ZBTB20: variants seen among roughly 807,000 people sequenced by gnomAD.
ZBTB20 encodes zinc finger and BTB domain containing 20, also known as zinc finger and BTB domain-containing protein 20.
ZBTB20 carries 9 observed loss-of-function variants against 56.9 expected under a neutral mutation model. The observed-to-expected ratio is 0.16, with a 90% CI of 0.10 to 0.28. ZBTB20 has a LOEUF of 0.28. ZBTB20 is among the 10% of genes least tolerant of loss of function. ZBTB20 has a pLI of 1.00. For missense variants in ZBTB20, 655 were observed against 1,003.0 expected (o/e 0.65, Z 4.69); for synonymous variants, 417 against 420.7 (o/e 0.99, Z 0.11).
intron 5 of ZBTB20, among the ~76,000 whole-genome samples, chr3:114,795,545 A>G (rs2071286401): frequency 6.6e-6 from 1 of 151,988 alleles, no homozygotes; most frequent in Non-Finnish European, 1.5e-5. Context: ...CTCCCCTCCC[A>G]TACTCCGTTC....
intron 6 of ZBTB20, among the ~76,000 whole-genome samples, chr3:114,504,452 C>T (rs2044370210): frequency 6.6e-6 from 1 of 152,150 alleles, no homozygotes; most frequent in African/African-American, 2.4e-5. Flanking sequence ...CCTGGAGGGT[C>T]AGTATTCCTT....
intron 1 of ZBTB20, among the ~76,000 whole-genome samples, chr3:115,107,264 A>T (rs1057434884): frequency 3.9e-5 from 6 of 151,902 alleles, no homozygotes; most frequent in Admixed American, 1.3e-4. Flanking sequence ...GCATGTCTAT[A>T]AAAAAATCAG....
At chr3:114,577,823 C>T (rs973380590) in intron 6 of ZBTB20, among the ~76,000 whole-genome samples, 4 of 152,108 alleles carry the variant, frequency 2.6e-5, no homozygotes, top group African/African-American at 7.2e-5. Flanking sequence ...TGAAAGCTAC[C>T]ATTGTAAGAT....
intron 1 of ZBTB20, among the ~76,000 whole-genome samples, chr3:115,101,249 C>T (rs2083573122): frequency 6.6e-6 from 1 of 152,118 alleles, no homozygotes; most frequent in Non-Finnish European, 1.5e-5. Context: ...TACCCTTAAT[C>T]TTTTATTAGG....
chr3:114,656,360 T>C (rs1003879712), intron 6 of ZBTB20, among the ~76,000 whole-genome samples: 2 of 152,242 alleles, frequency 1.3e-5, no homozygotes, highest in African/African-American at 4.8e-5. Flanking sequence ...TTTTCTCATC[T>C]GCCACCCACA....
intron 2 of ZBTB20, among the ~76,000 whole-genome samples, chr3:115,025,084 T>C (rs1354475189): frequency 6.6e-6 from 1 of 151,272 alleles, no homozygotes; most frequent in African/African-American, 2.4e-5. Flanking sequence ...TTCCTGATCC[T>C]TTCCCTCCTC....
At chr3:114,486,246 G>T (rs2042141110) in intron 7 of ZBTB20, among the ~76,000 whole-genome samples, 2 of 104,260 alleles carry the variant, frequency 1.9e-5, no homozygotes, top group African/African-American at 5.3e-5. Context: ...GTGTATCAGA[G>T]ATTTGGGATG....
chr3:115,001,184 A>G (rs2079234702), intron 2 of ZBTB20, among the ~76,000 whole-genome samples: 1 of 151,214 alleles, frequency 6.6e-6, no homozygotes, highest in South Asian at 2.1e-4. Flanking sequence ...ATTTTATTAT[A>G]CTCTTCAGTG....
intron 5 of ZBTB20, among the ~76,000 whole-genome samples, chr3:114,788,181 C>A (rs1391582649): frequency 6.6e-6 from 1 of 152,058 alleles, no homozygotes; most frequent in Non-Finnish European, 1.5e-5. Flanking sequence ...TTCAAAGGTA[C>A]ATTTTTTTAT....
At chr3:114,398,587 A>G (rs945988936) in intron 7 of ZBTB20, among the ~76,000 whole-genome samples, 4 of 152,190 alleles carry the variant, frequency 2.6e-5, no homozygotes, top group Non-Finnish European at 4.4e-5. Flanking sequence ...GAAAGTAAGA[A>G]TTTGCATTAG....
rs146814772 is a variant in ZBTB20, at chr3:115,103,533, C to G, written c.-702-32119G>C. ...GATCAGTGCAACAAAATAGACAGCCCAGGAGAAGGCCCACATATGTATAGT... is the reference window on the plus strand; with the variant it reads ...GATCAGTGCAACAAAATAGACAGCCGAGGAGAAGGCCCACATATGTATAGT... On this transcript the variant is annotated intron_variant, in intron 1 of 11. Coordinates refer to ENST00000675478, the MANE Select transcript of ZBTB20 (RefSeq NM_001348800.3). Among the ~76,000 whole-genome samples, 23 of 152,238 alleles carry G rather than the reference C, an allele frequency of 1.5e-4. No individual in the cohort carries two copies. In the East Asian group the frequency reaches 4.4e-3, roughly 29 times the overall value.
chr3:114,859,575 T>G (rs1479876464), intron 4 of ZBTB20, among the ~76,000 whole-genome samples: 12 of 14,208 alleles, frequency 8.4e-4, no homozygotes, highest in Admixed American at 4.1e-3. Context: ...TTATGGCGTT[T>G]TTTTTTTTTT....
chr3:114,911,302 A>G (rs973306056), intron 3 of ZBTB20, among the ~76,000 whole-genome samples: 1 of 151,924 alleles, frequency 6.6e-6, no homozygotes, highest in African/African-American at 2.4e-5. Context: ...TATCAAAAAC[A>G]TCGACAAAGG....
intron 3 of ZBTB20, among the ~76,000 whole-genome samples, chr3:114,926,710 T>C (rs904952950): frequency 6.6e-6 from 1 of 152,188 alleles, no homozygotes; most frequent in African/African-American, 2.4e-5. Context: ...GTAAAATTTA[T>C]ATATAACAAA....
chr3:114,753,427 A>ACACACG (rs1560209963), intron 5 of ZBTB20, among the ~76,000 whole-genome samples: 2 of 143,632 alleles, frequency 1.4e-5, no homozygotes, highest in African/African-American at 5.3e-5. Flanking sequence ...ATATATATAT[A>ACACACG]TATATACACA....
At chr3:114,561,822 T>C (rs2052092300) in intron 6 of ZBTB20, among the ~76,000 whole-genome samples, 1 of 152,116 alleles carries the variant, frequency 6.6e-6, no homozygotes, top group African/African-American at 2.4e-5. Context: ...CTTTGATGCT[T>C]TGAAACCAGG....
intron 3 of ZBTB20, among the ~76,000 whole-genome samples, chr3:114,966,316 A>G (rs1332336747): frequency 6.6e-6 from 1 of 152,176 alleles, no homozygotes; most frequent in Non-Finnish European, 1.5e-5. Flanking sequence ...AACATGCAAA[A>G]AAATAAAGAA....
At chr3:114,359,964 A>G (rs1221106463) in intron 10 of ZBTB20, among the ~76,000 whole-genome samples, 1 of 152,224 alleles carries the variant, frequency 6.6e-6, no homozygotes, top group Admixed American at 6.5e-5. Flanking sequence ...AAGATTCAGT[A>G]TAACTCTCAG....
intron 6 of ZBTB20, among the ~76,000 whole-genome samples, chr3:114,666,909 A>G (rs563360693): frequency 6.6e-6 from 1 of 152,142 alleles, no homozygotes; most frequent in African/African-American, 2.4e-5. Flanking sequence ...TTTTCCTGTG[A>G]GATGCAAATA....
Sources: gnomAD v4.1 joint callset for allele counts (sites outside exome capture counted in the v4.1 genomes callset) on GRCh38, gnomAD v4.1.1 for gene constraint, MANE v1.5 for transcripts, NCBI Gene and HGNC (gene_info 2026-07-23, HGNC 2026-07-21) for gene names.